Variants in FRMD6 observed in about 807,000 individuals in gnomAD.
The protein encoded by FRMD6 is FERM domain-containing protein 6.
In FRMD6, 37 loss-of-function variants were observed where a neutral mutation model predicts 73.2. The observed-to-expected ratio is 0.51, with a 90% CI of 0.39 to 0.66. FRMD6 has a LOEUF of 0.66. Among genes scored for constraint, FRMD6 ranks in the 30% least tolerant of loss-of-function variants. The pLI is 0.00. For synonymous variants in FRMD6, 273 were observed against 282.2 expected (o/e 0.97, Z 0.33); for missense variants, 714 against 780.5 (o/e 0.91, Z 1.02).
Position 51,689,184 on chromosome 14 carries a change from G to A in FRMD6, c.-146-507G>A, listed in dbSNP as rs575504987. ...AGAGATCAATTAAAGTGATGGCCTA[G>A]AGATCATGGGCTTCCTTTGGCAGAG... On this transcript the variant is annotated intron_variant, in intron 1 of 13. Transcript: ENST00000344768. Among the ~76,000 whole-genome samples, 92 of 152,354 alleles carry A rather than the reference G, an allele frequency of 6.0e-4. 1 individual carries two copies. The highest frequency in any genetic ancestry group is 3.4e-3 in the Middle Eastern group (1 of 294).
intron 2 of FRMD6, among the ~76,000 whole-genome samples, chr14:51,697,102 T>G (rs150531073): frequency 4.5e-4 from 69 of 152,292 alleles, no homozygotes; most frequent in African/African-American, 1.5e-3. Flanking sequence ...GAAAGCAGTA[T>G]GGGGGTTCCT....
chr14:51,469,437 C>T, the FRMD6 span, among the ~76,000 whole-genome samples: 58 of 150,314 alleles, frequency 3.9e-4, no homozygotes, highest in Non-Finnish European at 1.8e-4. Flanking sequence ...CACGGTGAAA[C>T]CCCATCTCTA....
the FRMD6 span, among the ~76,000 whole-genome samples, chr14:51,431,028 G>A: frequency 6.6e-6 from 1 of 152,192 alleles, no homozygotes; most frequent in African/African-American, 2.4e-5. Flanking sequence ...ATGAGGATAT[G>A]TATATGCTGA....
At chr14:51,472,657 A>G in the FRMD6 span, among the ~76,000 whole-genome samples, 1 of 151,604 alleles carries the variant, frequency 6.6e-6, no homozygotes, top group African/African-American at 2.4e-5. Context: ...GAGAACCAAC[A>G]GGGACCCTCC....
chr14:51,525,157 T>TG (rs939661701), intron 1 of FRMD6, among the ~76,000 whole-genome samples: 1 of 150,788 alleles, frequency 6.6e-6, no homozygotes, highest in African/African-American at 2.5e-5. Flanking sequence ...GATGGATGGA[T>TG]GGATGGATGG....
intron 2 of FRMD6, among the ~76,000 whole-genome samples, chr14:51,602,553 T>G (rs1447017038): frequency 2.6e-5 from 4 of 152,224 alleles, no homozygotes; most frequent in Admixed American, 2.0e-4. Context: ...AAAATTTTGT[T>G]GAAACATGGC....
the FRMD6 span, among the ~76,000 whole-genome samples, chr14:51,454,103 G>A: frequency 1.1e-4 from 16 of 152,280 alleles, no homozygotes; most frequent in African/African-American, 2.4e-4. Context: ...CGCTGCCTCC[G>A]TGAGTCATTC....
At chr14:51,410,630 T>A in the FRMD6 span, among the ~76,000 whole-genome samples, 150 of 152,326 alleles carry the variant, frequency 9.8e-4, 2 homozygotes, top group Admixed American at 2.7e-3. Flanking sequence ...TATGTGAAAA[T>A]ACTTTAGAAA....
chr14:51,658,256 T>G (rs1892979004), intron 1 of FRMD6, among the ~76,000 whole-genome samples: 2 of 152,168 alleles, frequency 1.3e-5, no homozygotes, highest in South Asian at 4.1e-4. Context: ...TGAGGCAGAA[T>G]TTTTCTTCTT....
intron 9 of FRMD6, among the ~76,000 whole-genome samples, chr14:51,713,404 G>A (rs1363384257): frequency 6.8e-5 from 10 of 147,488 alleles, no homozygotes; most frequent in Non-Finnish European, 1.2e-4. Context: ...GTTGCCATGA[G>A]CCAAGACCGC....
chr14:51,548,193 G>A (rs982022510), intron 1 of FRMD6, among the ~76,000 whole-genome samples: 3 of 152,138 alleles, frequency 2.0e-5, no homozygotes, highest in African/African-American at 7.2e-5. Flanking sequence ...CCAAAGGACA[G>A]GCAGCATAAT....
rs147198411 is a variant in FRMD6, at chr14:51,624,700, G to T, written c.-147+54290G>T. Among the ~76,000 whole-genome samples the T allele has an allele frequency of 2.0e-5, 3 of 152,218 alleles. No homozygotes were observed. In the East Asian group the frequency reaches 5.8e-4, roughly 29 times the overall value. On this transcript the variant is annotated intron_variant, in intron 2 of 14. Transcript: ENST00000356218. Reference sequence around the variant, plus strand: ...GTCATCTGGAGCTCCTTCATTTCTGGCCCCTGAAGCTCAGAGGGATGTTTT... The same window carrying T: ...GTCATCTGGAGCTCCTTCATTTCTGTCCCCTGAAGCTCAGAGGGATGTTTT...
chr14:51,553,903 C>T (rs574742447), intron 1 of FRMD6, among the ~76,000 whole-genome samples: 12 of 152,204 alleles, frequency 7.9e-5, no homozygotes, highest in East Asian at 7.7e-4. Context: ...ACTTGAACAT[C>T]AAAATAGCAC....
At chr14:51,426,744 C>G in the FRMD6 span, among the ~76,000 whole-genome samples, 1 of 152,150 alleles carries the variant, frequency 6.6e-6, no homozygotes, top group South Asian at 2.1e-4. Flanking sequence ...GAGGGCTCAC[C>G]TAGTGTGGAG....
chr14:51,692,191 TG>T (rs1420118607), intron 2 of FRMD6, among the ~76,000 whole-genome samples: 1 of 152,164 alleles, frequency 6.6e-6, no homozygotes, highest in Non-Finnish European at 1.5e-5. Context: ...TCAGGGTAAC[TG>T]AAATTGTTTT....
At chr14:51,582,281 G>C (rs1029325083) in intron 2 of FRMD6, among the ~76,000 whole-genome samples, 6 of 152,198 alleles carry the variant, frequency 3.9e-5, no homozygotes, top group Non-Finnish European at 8.8e-5. Context: ...TAATCCAGTA[G>C]AGATCAGGAT....
At chr14:51,721,614 A>C (rs749409546) in intron 11 of FRMD6, among the ~76,000 whole-genome samples, 55 of 143,220 alleles carry the variant, frequency 3.8e-4, no homozygotes, top group Non-Finnish European at 7.9e-4. Flanking sequence ...AAAAAGAAAG[A>C]AATTGAGAAA....
At chr14:51,460,112 ATATT>A in the FRMD6 span, among the ~76,000 whole-genome samples, 2 of 152,136 alleles carry the variant, frequency 1.3e-5, no homozygotes, top group African/African-American at 4.8e-5. Context: ...CATTCAACAA[ATATT>A]TATTGAACAG....
intron 4 of FRMD6, 43 bp downstream of exon 4, chr14:51,701,202 A>G: frequency 1.7e-6 from 2 of 1,205,840 alleles, no homozygotes; most frequent in Admixed American, 2.3e-5. Flanking sequence ...ATTTTTTTTA[A>G]AAAATGTTTA....
Sources: gnomAD v4.1 joint callset for allele counts (sites outside exome capture counted in the v4.1 genomes callset) on GRCh38, gnomAD v4.1.1 for gene constraint, MANE v1.5 for transcripts, NCBI Gene and HGNC (gene_info 2026-07-23, HGNC 2026-07-21) for gene names.